INPP5A: variants seen among roughly 807,000 people sequenced by gnomAD.
INPP5A encodes 43 kDa inositol polyphosphate 5-phophatase.
INPP5A carries 14 observed loss-of-function variants against 65.2 expected under a neutral mutation model. The ratio of observed to expected loss-of-function variants is 0.21; its 90% CI spans 0.14 to 0.34. INPP5A has a LOEUF of 0.34. Ranked by LOEUF, INPP5A falls within the 10% of genes least tolerant of loss-of-function variation. The pLI is 1.00. For synonymous variants in INPP5A, 207 were observed against 208.3 expected (o/e 0.99, Z 0.05); for missense variants, 431 against 545.6 (o/e 0.79, Z 2.09).
Position 132,698,846 on chromosome 10 carries a change from C to T in INPP5A, c.474+927C>T, listed in dbSNP as rs142905614. On this transcript the variant is annotated intron_variant, in intron 6 of 15. Coordinates refer to ENST00000368594, the MANE Select transcript of INPP5A (RefSeq NM_005539.5). This position sits in a 1 kb window ranked among gnomAD's most constrained non-coding sequence, Gnocchi z 5.5. ...AGAGCTGTGCAGGCTGAGGCTGCTA[C>T]GGAGCTGACTTCCAGCAAGGCCACA... 3.6e-4 allele frequency among the ~76,000 whole-genome samples: 55 copies of T among 152,366 alleles called. No individual in the cohort carries two copies. In the East Asian group the frequency reaches 8.7e-3, roughly 24 times the overall value.
chr10:132,546,389 C>T lies in INPP5A; in HGVS notation c.75+8218C>T, dbSNP rs984583451. On this transcript the variant is annotated intron_variant, in intron 1 of 15. Transcript: ENST00000368594. This position sits in a 1 kb window ranked among gnomAD's most constrained non-coding sequence, Gnocchi z 5.7. ...AGCCCCACCTCCAGGAGCATGGCCT[C>T]CGGATCAGCCTGTTACTTGAACCCT... Among the ~76,000 whole-genome samples, 5 of 152,028 alleles carry T rather than the reference C, an allele frequency of 3.3e-5. No homozygotes were observed. Among genetic ancestry groups the T allele is most frequent in the Non-Finnish European group, 5.9e-5 (4 of 68,018 alleles).
chr10:132,579,918 G>GTTTT (rs35846779), intron 1 of INPP5A, among the ~76,000 whole-genome samples: 2 of 141,738 alleles, frequency 1.4e-5, no homozygotes, highest in Non-Finnish European at 1.5e-5. Flanking sequence ...CTGTTTAAAA[G>GTTTT]TTTTTTTTTT....
chr10:132,626,378 G>A (rs7071571), intron 2 of INPP5A, among the ~76,000 whole-genome samples: 132,195 of 152,224 alleles, frequency 0.87, 57,478 homozygotes, highest in East Asian at 0.96. Context: ...ACTGTTGGCT[G>A]TAGGGTGGGT....
intron 12 of INPP5A, among the ~76,000 whole-genome samples, chr10:132,768,651 G>T (rs1326276787): frequency 6.6e-6 from 1 of 152,230 alleles, no homozygotes; most frequent in Admixed American, 6.5e-5. Flanking sequence ...GAGGCCGTGG[G>T]AAGGCGTCCT....
intron 12 of INPP5A, among the ~76,000 whole-genome samples, chr10:132,775,173 AGGGGCAG>A (rs1847038535): frequency 8.6e-4 from 1 of 1,158 alleles, no homozygotes; most frequent in Non-Finnish European, 1.7e-3. Context: ...GGCAGAGAGG[AGGGGCAG>A]GGAGAGAGGG....
At chr10:132,646,173 G>A (rs1437179862) in intron 3 of INPP5A, among the ~76,000 whole-genome samples, 4 of 152,208 alleles carry the variant, frequency 2.6e-5, no homozygotes, top group Non-Finnish European at 4.4e-5. Context: ...AGAAGGCCAC[G>A]GAGTGACAGC....
At chr10:132,542,285 G>GT (rs2070916623) in intron 1 of INPP5A, among the ~76,000 whole-genome samples, 1 of 152,236 alleles carries the variant, frequency 6.6e-6, no homozygotes, top group South Asian at 2.1e-4. Context: ...CAGAACGGCT[G>GT]TGAGAGTGGG....
chr10:132,650,550 C>T lies in INPP5A; in HGVS notation c.306+45C>T. ...TGGTGCAGGGGTCAGACAGGCTGGCCTTGGCAGAAGCCAGCCCTTCTCCTG... is the reference window on the plus strand; with the variant it reads ...TGGTGCAGGGGTCAGACAGGCTGGCTTTGGCAGAAGCCAGCCCTTCTCCTG... On this transcript the variant is annotated intron_variant, in intron 4 of 15. Coordinates refer to ENST00000368594, the MANE Select transcript of INPP5A (RefSeq NM_005539.5). This position sits in a 1 kb window ranked among gnomAD's most constrained non-coding sequence, Gnocchi z 5.5. 1.4e-6 allele frequency: 2 copies of T among 1,401,782 alleles called. No homozygotes were observed. Among genetic ancestry groups the T allele is most frequent in the Non-Finnish European group, 2.0e-6 (2 of 990,440 alleles). 86.8% of individuals were successfully genotyped at this position (1,401,782 alleles called of 1,614,324 possible).
intron 11 of INPP5A, among the ~76,000 whole-genome samples, chr10:132,759,260 A>G (rs901173627): frequency 2.6e-5 from 4 of 152,110 alleles, no homozygotes; most frequent in Non-Finnish European, 4.4e-5. Flanking sequence ...GCACCAGGGA[A>G]GACCCCCGGG....
intron 4 of INPP5A, among the ~76,000 whole-genome samples, chr10:132,673,908 C>T (rs1181564883): frequency 2.0e-5 from 3 of 152,242 alleles, no homozygotes; most frequent in Non-Finnish European, 2.9e-5. Context: ...GCAAATTGGG[C>T]ACTCAGCAGT....
chr10:132,692,410 G>GAC (rs1438903961), intron 5 of INPP5A, among the ~76,000 whole-genome samples: 3 of 152,188 alleles, frequency 2.0e-5, no homozygotes, highest in Non-Finnish European at 4.4e-5. Flanking sequence ...ACTTGTAACT[G>GAC]ACACCAAACC....
chr10:132,660,092 G>A (rs929959963), intron 4 of INPP5A, among the ~76,000 whole-genome samples: 12 of 152,228 alleles, frequency 7.9e-5, no homozygotes, highest in African/African-American at 1.9e-4. Flanking sequence ...CGTGACACAC[G>A]GCACATTATA....
At chr10:132,710,504 T>A (rs1845615980) in intron 8 of INPP5A, 48 bp downstream of exon 8, 9 of 1,592,492 alleles carry the variant, frequency 5.7e-6, no homozygotes, top group Non-Finnish European at 7.7e-6. Context: ...GTAGGTGTGC[T>A]GGGCAGGCAG....
At chr10:132,646,461 T>C (rs990287147) in intron 3 of INPP5A, among the ~76,000 whole-genome samples, 1 of 152,074 alleles carries the variant, frequency 6.6e-6, no homozygotes, top group Admixed American at 6.5e-5. Flanking sequence ...GGGTCCTGCC[T>C]GGGAAGAGGG....
intron 9 of INPP5A, among the ~76,000 whole-genome samples, chr10:132,748,144 G>GT (rs1490994618): frequency 2.0e-5 from 3 of 152,106 alleles, no homozygotes; most frequent in Non-Finnish European, 4.4e-5. Context: ...ATATAATCCA[G>GT]TTCTAGACTA....
At chr10:132,646,855 T>C (rs893366869) in intron 3 of INPP5A, among the ~76,000 whole-genome samples, 5 of 152,144 alleles carry the variant, frequency 3.3e-5, no homozygotes, top group Admixed American at 6.5e-5. Flanking sequence ...GGGTTGACGC[T>C]GCTGCCATGC....
At chr10:132,639,999 A>G (rs1429838863) in intron 2 of INPP5A, among the ~76,000 whole-genome samples, 2 of 151,924 alleles carry the variant, frequency 1.3e-5, no homozygotes, top group Non-Finnish European at 2.9e-5. Context: ...CTCATGGAGC[A>G]TGTTGTAGTT....
At chr10:132,746,738 A>G (rs1010060212) in intron 9 of INPP5A, among the ~76,000 whole-genome samples, 1 of 152,242 alleles carries the variant, frequency 6.6e-6, no homozygotes, top group African/African-American at 2.4e-5. Flanking sequence ...TACATCTTAG[A>G]TGGCTTTTTA....
chr10:132,778,296 A>T, intron 13 of INPP5A, among the ~76,000 whole-genome samples: 2 of 141,596 alleles, frequency 1.4e-5, no homozygotes, highest in Admixed American at 7.0e-5. Flanking sequence ...TTTTTTTTTA[A>T]TAATAATTTT....
Sources: allele counts gnomAD v4.1 joint callset (sites outside exome capture counted in the v4.1 genomes callset), GRCh38; gene constraint gnomAD v4.1.1; non-coding constraint Gnocchi (gnomAD v3.1); transcripts MANE v1.5; gene names NCBI Gene and HGNC (gene_info 2026-07-23, HGNC 2026-07-21).